ANK2: variants seen among roughly 807,000 people sequenced by gnomAD.
ANK2 encodes the protein ankyrin 2.
A neutral mutation model predicts 360.5 loss-of-function variants in ANK2; 83 were observed. That is an observed-to-expected ratio of 0.23 (90% CI 0.19 to 0.28). The LOEUF is 0.28. ANK2 is among the 10% of genes least tolerant of loss of function. The pLI, the probability that ANK2 is intolerant of heterozygous loss-of-function variation, is 1.00. For synonymous variants in ANK2, 1,740 were observed against 1,759.5 expected (o/e 0.99, Z 0.28); for missense variants, 4,201 against 4,795.7 (o/e 0.88, Z 3.66).
chr4:112,809,248 A>G, the ANK2 span, among the ~76,000 whole-genome samples: 7 of 151,440 alleles, frequency 4.6e-5, no homozygotes, highest in East Asian at 1.4e-3. Flanking sequence ...AGTTTAAATT[A>G]AATGTTAAAT....
the ANK2 span, among the ~76,000 whole-genome samples, chr4:112,706,209 A>G: frequency 1.3e-5 from 2 of 151,724 alleles, no homozygotes; most frequent in Admixed American, 1.3e-4. Context: ...CCCGCCGCGG[A>G]TTCGTCAGGT....
intron 1 of ANK2, among the ~76,000 whole-genome samples, chr4:113,050,853 T>A (rs186818669): frequency 6.6e-6 from 1 of 152,340 alleles, no homozygotes; most frequent in Admixed American, 6.5e-5. Context: ...AAATTCTAGA[T>A]GTCTAGTGTA....
chr4:113,065,506 T>C (rs1483302737), intron 1 of ANK2, among the ~76,000 whole-genome samples: 2 of 152,190 alleles, frequency 1.3e-5, no homozygotes, highest in African/African-American at 4.8e-5. Context: ...TATAAGGAAA[T>C]GGAGACCCAA....
intron 2 of ANK2, among the ~76,000 whole-genome samples, chr4:112,975,271 C>T (rs1173696393): frequency 6.6e-6 from 1 of 152,080 alleles, no homozygotes. Context: ...TCATAATTTT[C>T]CTAAGTTCAT....
At chr4:112,875,924 T>C (rs2074950857) in intron 1 of ANK2, among the ~76,000 whole-genome samples, 1 of 149,918 alleles carries the variant, frequency 6.7e-6, no homozygotes, top group South Asian at 2.1e-4. Context: ...CTTTTTTCTT[T>C]TTTTTTTTTT....
chr4:112,750,615 G>T, the ANK2 span, among the ~76,000 whole-genome samples: 2 of 152,176 alleles, frequency 1.3e-5, no homozygotes, highest in South Asian at 4.1e-4. Flanking sequence ...AGTCCCTTGA[G>T]TAACGTGAAA....
chr4:112,994,306 G>A (rs2047806739), intron 2 of ANK2, among the ~76,000 whole-genome samples: 1 of 152,138 alleles, frequency 6.6e-6, no homozygotes, highest in African/African-American at 2.4e-5. Flanking sequence ...TATAACCCTT[G>A]AAGAAAGAAC....
intron 1 of ANK2, among the ~76,000 whole-genome samples, chr4:113,086,927 G>T (rs910630572): frequency 6.6e-6 from 1 of 152,176 alleles, no homozygotes; most frequent in Non-Finnish European, 1.5e-5. Context: ...GGTCAGAAAT[G>T]AGATCAGAGG....
chr4:112,816,544 A>G (rs1194946785), upstream of ANK2, among the ~76,000 whole-genome samples: 1 of 152,112 alleles, frequency 6.6e-6, no homozygotes, highest in Non-Finnish European at 1.5e-5. Flanking sequence ...ATATCAAATA[A>G]TGATATTATA....
At chr4:113,282,983 A>C in intron 18 of ANK2, 111 bp downstream of exon 18, 1 of 1,224,644 alleles carries the variant, frequency 8.2e-7, no homozygotes. Flanking sequence ...AGAAACAGGG[A>C]TATCTTACAG....
chr4:113,292,381 T>A, intron 20 of ANK2, 35 bp from the exon 21 acceptor site: 1 of 1,565,896 alleles, frequency 6.4e-7, no homozygotes, highest in Non-Finnish European at 8.7e-7. Context: ...CCTCTGCCAA[T>A]CGGGTGCTGG....
At chr4:113,228,564 C>G (rs2099253008) in intron 4 of ANK2, among the ~76,000 whole-genome samples, 1 of 152,118 alleles carries the variant, frequency 6.6e-6, no homozygotes, top group Non-Finnish European at 1.5e-5. Flanking sequence ...ATACGTACCA[C>G]AATTTCTTTA....
intron 1 of ANK2, among the ~76,000 whole-genome samples, chr4:113,063,585 T>C (rs538079743): frequency 6.6e-6 from 1 of 152,268 alleles, no homozygotes; most frequent in South Asian, 2.1e-4. Flanking sequence ...TGCATGATAA[T>C]AGTAACAGAT....
At chr4:113,208,189 T>C (rs1242069401) in intron 4 of ANK2, among the ~76,000 whole-genome samples, 2 of 151,976 alleles carry the variant, frequency 1.3e-5, no homozygotes, top group Non-Finnish European at 2.9e-5. Flanking sequence ...AACATGACCC[T>C]GGTGCAGCTT....
intron 2 of ANK2, among the ~76,000 whole-genome samples, chr4:112,983,961 T>G (rs936527805): frequency 6.6e-6 from 1 of 152,192 alleles, no homozygotes; most frequent in African/African-American, 2.4e-5. Context: ...CAAAGTCTGA[T>G]TAACAGAATT....
At chr4:112,966,289 A>G (rs2037212351) in intron 2 of ANK2, among the ~76,000 whole-genome samples, 1 of 151,664 alleles carries the variant, frequency 6.6e-6, no homozygotes, top group African/African-American at 2.4e-5. Context: ...GAAATATACT[A>G]AAATAATTCT....
chr4:112,823,496 G>C (rs1403584265), intron 1 of ANK2, among the ~76,000 whole-genome samples: 1 of 151,732 alleles, frequency 6.6e-6, no homozygotes, highest in Non-Finnish European at 1.5e-5. Context: ...AGTTGTTAAT[G>C]GTCCTAGTAT....
chr4:112,923,836 T>C (rs1197054089), intron 2 of ANK2, among the ~76,000 whole-genome samples: 2 of 152,194 alleles, frequency 1.3e-5, no homozygotes, highest in East Asian at 3.8e-4. Context: ...TCTTGGAATT[T>C]GATTCAAACC....
At chr4:113,265,100 G>A in intron 14 of ANK2, 105 bp downstream of exon 14, 1 of 1,042,936 alleles carries the variant, frequency 9.6e-7, no homozygotes. Flanking sequence ...ACCAGGGACT[G>A]TAAGTGAAAG....
Sources: gnomAD v4.1 joint callset for allele counts (sites outside exome capture counted in the v4.1 genomes callset) on GRCh38, gnomAD v4.1.1 for gene constraint, MANE v1.5 for transcripts, NCBI Gene and HGNC (gene_info 2026-07-23, HGNC 2026-07-21) for gene names.